Variants in CREBBP observed in about 807,000 individuals in gnomAD.
The protein encoded by CREBBP is CREB-binding protein.
Under a neutral mutation model 265.0 loss-of-function variants are expected in CREBBP, and 19 were observed. The ratio of observed to expected loss-of-function variants is 0.07; its 90% CI spans 0.05 to 0.11. The LOEUF (loss-of-function observed/expected upper bound fraction) is 0.11, where lower values mean the gene tolerates loss of function less well. CREBBP is among the 10% of genes least tolerant of loss of function. The pLI, the probability that CREBBP is intolerant of heterozygous loss-of-function variation, is 1.00. For synonymous variants in CREBBP, 1,457 were observed against 1,223.7 expected, an observed-to-expected ratio of 1.19 and a Z score of -3.98; for missense variants, 2,525 against 3,219.0, an observed-to-expected ratio of 0.78 and a Z score of 5.22.
Position 3,770,601 on chromosome 16 carries a change from G to T in CREBBP, c.2849C>A (p.Thr950Lys), listed in dbSNP as rs749011678. 1.9e-6 allele frequency: 3 copies of T among 1,613,638 alleles called. No individual in the cohort carries two copies. Among genetic ancestry groups the T allele is most frequent in the South Asian group, 2.2e-5 (2 of 91,068 alleles). The change falls in exon 14 of 31, where the codon ACG becomes AAG. Residue 950 changes from threonine to lysine, a missense_variant. This residue lies in a region of CREBBP where 548 missense variants were observed against 533.0 expected (regional missense o/e 1.03). Coordinates refer to ENST00000262367, the MANE Select transcript of CREBBP (RefSeq NM_004380.3). ...ATPQSSQQQP[T>K]PVHAQPPGTP... Reference sequence around the variant, plus strand: ...GCCAGGAGGCTGGGCGTGCACAGGCGTCGGCTGTTGCTGCGATGACTGAGG... The same window carrying T: ...GCCAGGAGGCTGGGCGTGCACAGGCTTCGGCTGTTGCTGCGATGACTGAGG...
chr16:3,876,506 T>A (rs1015449939), intron 1 of CREBBP, among the ~76,000 whole-genome samples: 9 of 151,776 alleles, frequency 5.9e-5, no homozygotes, highest in Admixed American at 1.3e-4. Flanking sequence ...ATCTCTGATG[T>A]TGAAAGACAC....
intron 1 of CREBBP, among the ~76,000 whole-genome samples, chr16:3,873,108 A>G (rs994345323): frequency 5.9e-5 from 9 of 152,230 alleles, no homozygotes; most frequent in Non-Finnish European, 1.3e-4. Flanking sequence ...GGCATCTATC[A>G]GAATCCTGTG....
chr16:3,858,544 T>C (rs114033034), intron 1 of CREBBP, among the ~76,000 whole-genome samples: 73 of 152,352 alleles, frequency 4.8e-4, no homozygotes, highest in Middle Eastern at 6.8e-3. Flanking sequence ...GTCTTGCTTA[T>C]CTACTCAGTG....
chr16:3,777,121 T>A (rs1022291052), intron 11 of CREBBP, among the ~76,000 whole-genome samples: 2 of 151,974 alleles, frequency 1.3e-5, no homozygotes. Flanking sequence ...GGTGGACGGA[T>A]CACGGAGATC....
chr16:3,804,122 C>CA (rs1264251684), intron 3 of CREBBP, among the ~76,000 whole-genome samples: 1 of 151,418 alleles, frequency 6.6e-6, no homozygotes, highest in Non-Finnish European at 1.5e-5. Flanking sequence ...AAAGAAACAA[C>CA]AAAAAAGACA....
chr16:3,736,431 T>C (rs567375709), intron 27 of CREBBP: 4 of 770,660 alleles, frequency 5.2e-6, no homozygotes, highest in South Asian at 1.7e-5. Context: ...TGCCCACTGA[T>C]GGAAACAGCT....
At chr16:3,775,762 T>C (rs1367528710) in intron 11 of CREBBP, among the ~76,000 whole-genome samples, 1 of 152,204 alleles carries the variant, frequency 6.6e-6, no homozygotes, top group Non-Finnish European at 1.5e-5. Flanking sequence ...AGTGCATAAC[T>C]AGAAAACATC....
At chr16:3,828,915 C>T (rs1287734428) in intron 2 of CREBBP, among the ~76,000 whole-genome samples, 2 of 152,144 alleles carry the variant, frequency 1.3e-5, no homozygotes, top group African/African-American at 4.8e-5. Context: ...CAGCACAGTG[C>T]CCAGTACAAT....
rs1232941309 is a variant in CREBBP, at chr16:3,728,522, G to A, written c.6525C>T (p.Asn2175=). The A allele has an allele frequency of 6.2e-7, 1 of 1,613,914 alleles. No homozygotes were observed. The highest frequency in any genetic ancestry group is 8.5e-7 in the Non-Finnish European group (1 of 1,180,020). The change falls in exon 31 of 31, where the codon AAC becomes AAT. Residue 2175 remains asparagine, a synonymous_variant. Coordinates refer to ENST00000262367, the MANE Select transcript of CREBBP (RefSeq NM_004380.3). This position sits in a 1 kb window ranked among gnomAD's most constrained non-coding sequence, Gnocchi z 8.7. ...TCGCCATGTTGGGGTTGTGTCCTGG[G>A]TTCATGATGTTCAAGGCCTGGCCCT... ...NPQGQALNIM[N]PGHNPNMASM...
At chr16:3,783,227 G>C (rs1320556650) in intron 5 of CREBBP, among the ~76,000 whole-genome samples, 1 of 152,162 alleles carries the variant, frequency 6.6e-6, no homozygotes. Flanking sequence ...AAAACCTAGA[G>C]ACTCCTCAAG....
At chr16:3,738,063 G>A (rs1036131954) in intron 26 of CREBBP, among the ~76,000 whole-genome samples, 1 of 151,986 alleles carries the variant, frequency 6.6e-6, no homozygotes, top group East Asian at 1.9e-4. Flanking sequence ...TGAGATTACA[G>A]GTGTGAGCCA....
At chr16:3,835,597 T>G (rs955232953) in intron 2 of CREBBP, among the ~76,000 whole-genome samples, 4 of 149,104 alleles carry the variant, frequency 2.7e-5, no homozygotes, top group African/African-American at 9.9e-5. Context: ...TTTTTTTTTT[T>G]GAGACGGAGT....
At position 3,810,849 on chromosome 16, in the gene CREBBP, C is replaced by T. The variant is rs1462064068; in HGVS notation, c.799-70G>A. On this transcript the variant is annotated intron_variant, in intron 2 of 30. Transcript: ENST00000262367. ...TATAAAAGGAAGGGCCTGGGAAATG[C>T]TCACACAGTTTCCTATGAAATACTC... 16 of 1,488,636 alleles carry T rather than the reference C, an allele frequency of 1.1e-5. No individual in the cohort carries two copies. The East Asian group carries it at 2.9e-4, about 27-fold the overall frequency. 92.2% of individuals were successfully genotyped at this position (1,488,636 alleles called of 1,614,324 possible). A position where few individuals can be genotyped will look rare whatever the true frequency, so the allele number is the denominator to read the frequency against.
At position 3,773,934 on chromosome 16, in the gene CREBBP, C is replaced by G. The variant is rs200764566; in HGVS notation, c.2284-4G>C. 111 of 1,612,038 alleles carry G rather than the reference C, an allele frequency of 6.9e-5. No homozygotes were observed. Among genetic ancestry groups the G allele is most frequent in the Non-Finnish European group, 8.7e-5 (103 of 1,180,020 alleles). ...TTCGGGAAGGAGAAATGGCCATCTA[C>G]GAGACAACAAGCACCACCAGAGCTG... On this transcript the variant is annotated splice_polypyrimidine_tract_variant and splice_region_variant and intron_variant, in intron 12 of 30. Coordinates refer to ENST00000262367, the MANE Select transcript of CREBBP (RefSeq NM_004380.3).
At position 3,774,414 on chromosome 16, in the gene CREBBP, A is replaced by AT. The variant is rs900702799; in HGVS notation, c.2283+154dup. 1.1e-4 allele frequency among the ~76,000 whole-genome samples: 16 copies of AT among 152,276 alleles called. No individual in the cohort carries two copies. The East Asian group carries it at 1.6e-3, about 15-fold the overall frequency. ...AGTCAAATAATTCTGTGTAGTAATA[A>AT]TTTTTTTAAAATGAGAGATGAAAGA... is the stretch of plus-strand genomic sequence containing the variant. On this transcript the variant is annotated intron_variant, in intron 12 of 30. Transcript: ENST00000262367.
intron 3 of CREBBP, among the ~76,000 whole-genome samples, chr16:3,795,843 T>C (rs958721071): frequency 6.6e-6 from 1 of 151,992 alleles, no homozygotes; most frequent in African/African-American, 2.4e-5. Flanking sequence ...ATTTCAAACA[T>C]ACAGAAAAAT....
At chr16:3,815,918 C>T (rs929170845) in intron 2 of CREBBP, among the ~76,000 whole-genome samples, 25 of 151,982 alleles carry the variant, frequency 1.6e-4, no homozygotes, top group African/African-American at 5.1e-4. Context: ...GTATTCCATA[C>T]ACTCTTTTAA....
chr16:3,749,458 T>C (rs2151367103), intron 21 of CREBBP, among the ~76,000 whole-genome samples, 169 bp downstream of exon 21: 2 of 152,314 alleles, frequency 1.3e-5, no homozygotes, highest in South Asian at 4.1e-4. Flanking sequence ...GACATACATA[T>C]TTTGTTTAAG....
rs1198969992 is a variant in CREBBP at position 3,729,333 on chromosome 16, G to T, written c.5714C>A (p.Pro1905His). ...GGGTGAGGGTTGGGGCTGGGCAGGG[G>T]GCTGCGGCGTCTGGGGTGTGCTGGG... ...QQPSTPQTPQ[P>H]PAQPQPSPVS... is the part of the protein sequence containing the mutation. The change falls in exon 31 of 31, where the codon CCC becomes CAC. Residue 1905 changes from proline to histidine, a missense_variant. Pro to His is a moderately conservative substitution (Grantham distance 77). Coordinates refer to ENST00000262367, the MANE Select transcript of CREBBP (RefSeq NM_004380.3). The T allele has an allele frequency of 6.3e-7, 1 of 1,579,738 alleles. No homozygotes were observed. The highest frequency in any genetic ancestry group is 1.8e-5 in the Admixed American group (1 of 54,916).
Sources: allele counts gnomAD v4.1 joint callset (sites outside exome capture counted in the v4.1 genomes callset), GRCh38; gene constraint gnomAD v4.1.1; regional missense constraint gnomAD v4.1.1; non-coding constraint Gnocchi (gnomAD v3.1); transcripts MANE v1.5; gene names NCBI Gene and HGNC (gene_info 2026-07-23, HGNC 2026-07-21).